Variants in HDAC6 observed in about 807,000 individuals in gnomAD.
HDAC6 encodes protein deacetylase HDAC6.
HDAC6 carries 5 observed loss-of-function variants against 88.9 expected under a neutral mutation model. The observed-to-expected ratio is 0.06, with a 90% CI of 0.03 to 0.12. The LOEUF (loss-of-function observed/expected upper bound fraction) is 0.12. Among genes scored for constraint, HDAC6 ranks in the 10% least tolerant of loss-of-function variants. HDAC6 has a pLI of 1.00. For synonymous variants in HDAC6, 378 were observed against 398.0 expected (o/e 0.95, Z 0.60); for missense variants, 706 against 1,014.4 (o/e 0.70, Z 4.13).
In HDAC6 at chrX:48,808,318, G is replaced by A. The variant is rs782178851; in HGVS notation, c.798G>A (p.Gln266=). 1 of 1,200,145 alleles carries A rather than the reference G, an allele frequency of 8.3e-7. No individual in the cohort carries two copies. The highest frequency in any genetic ancestry group is 1.8e-5 in the South Asian group (1 of 55,579). The change falls in exon 10 of 29, where the codon CAG becomes CAA. Residue 266 remains glutamine (Q), a synonymous_variant. Coordinates refer to ENST00000334136, the MANE Select transcript of HDAC6 (RefSeq NM_006044.4). ...HGQGTQFTFD[Q]DPSVLYFSIH... ...AAGGAACACAGTTCACCTTCGACCA[G>A]GACCCCAGGTATACCCCGACTCCCA...
At position 48,805,616 on chromosome X, in the gene HDAC6, C is replaced by T; in HGVS notation, c.397-15C>T. On this transcript the variant is annotated splice_polypyrimidine_tract_variant and intron_variant, in intron 5 of 28. Coordinates refer to ENST00000334136, the MANE Select transcript of HDAC6 (RefSeq NM_006044.4). ...CTTAACCCTTTACCCCACTTTATTC[C>T]TCATCTCTCCCCAGGCCCGGTTTGC... 1 of 1,186,431 alleles carries T rather than the reference C, an allele frequency of 8.4e-7. No homozygotes were observed. The highest frequency in any genetic ancestry group is 2.4e-5 in the Admixed American group (1 of 42,544).
At position 48,802,911 on chromosome X, in the gene HDAC6, C is replaced by T. The variant is rs2062751225; in HGVS notation, c.134C>T (p.Pro45Leu). ...AAGGGAGCCGTTCCCCGCTCTATCC[C>T]CAATCTAGCGGAGGTAAAGAAGAAA... ...IKKGAVPRSI[P>L]NLAEVKKKGK... Residue 45 changes from proline (P) to leucine (L), a missense_variant, in exon 3 of 29, where the codon CCC becomes CTC. By Grantham distance (98) the Pro-to-Leu change is moderately conservative (BLOSUM62 -3). Transcript: ENST00000334136. The T allele has an allele frequency of 8.3e-7, 1 of 1,206,883 alleles. No individual in the cohort carries two copies. The highest frequency in any genetic ancestry group is 1.1e-6 in the Non-Finnish European group (1 of 893,353).
chrX:48,812,389 T>C (rs1481216042), intron 10 of HDAC6, among the ~76,000 whole-genome samples: 1 of 112,799 alleles, frequency 8.9e-6, no homozygotes, highest in Non-Finnish European at 1.9e-5. Context: ...AAGCAGATGA[T>C]CTAAAACTAA....
At chrX:48,814,600 G>A (rs1602257717) in intron 11 of HDAC6, 34 bp downstream of exon 11, 1 of 1,208,196 alleles carries the variant, frequency 8.3e-7, no homozygotes, top group Non-Finnish European at 1.1e-6. Context: ...CCCAAAGTGA[G>A]GCCCAGCCCC....
intron 10 of HDAC6, chrX:48,813,721 T>C (rs2062936894): frequency 1.8e-5 from 2 of 111,832 alleles, no homozygotes; most frequent in African/African-American, 6.5e-5. Flanking sequence ...GCTCATTCTC[T>C]CGCCTATAAA....
chrX:48,803,085 G>A (rs781924490), intron 3 of HDAC6, 43 bp from the exon 4 acceptor site: 5 of 1,196,183 alleles, frequency 4.2e-6, no homozygotes, highest in Non-Finnish European at 5.7e-6. Context: ...TCTGACTCAG[G>A]GCCTAAAATG....
intron 11 of HDAC6, 48 bp downstream of exon 11, chrX:48,814,614 C>T (rs781897644): frequency 1.7e-6 from 2 of 1,207,153 alleles, no homozygotes; most frequent in Non-Finnish European, 2.2e-6. Flanking sequence ...CAGCCCCGCC[C>T]TTCTGTCAGC....
rs911159605 is a variant in HDAC6, at chrX:48,824,401, C to T, written c.3579+107C>T. Reference sequence around the variant, plus strand: ...CACAGGCCCCTCTGCATGGCTGCCTCATGTGATTATTTTGCATGGGGCGGG... The same window carrying T: ...CACAGGCCCCTCTGCATGGCTGCCTTATGTGATTATTTTGCATGGGGCGGG... On this transcript the variant is annotated intron_variant, in intron 28 of 28. Coordinates refer to ENST00000334136, the MANE Select transcript of HDAC6 (RefSeq NM_006044.4). 4.6e-6 allele frequency: 5 copies of T among 1,098,380 alleles called. No individual in the cohort carries two copies. In the African/African-American group the frequency reaches 7.3e-5, roughly 16 times the overall value. The allele number at this position is 1,098,380 out of a possible 1,213,427, so 90.5% of individuals were successfully genotyped here. A position where few individuals can be genotyped will look rare whatever the true frequency, so the allele number is the denominator to read the frequency against.
In HDAC6 at chrX:48,806,431, A is replaced by G; in HGVS notation, c.501A>G (p.Leu167=). The change falls in exon 7 of 29, where the codon CTA becomes CTG. Residue 167 remains leucine (L), a synonymous_variant. Transcript: ENST00000334136. ...TGAATGAGGGAGAACTCCGTGTCCT[A>G]GCAGACACCTACGACTCAGTTTATC... ...QYMNEGELRV[L]ADTYDSVYLH... is the part of the protein sequence containing the mutation. 1 of 1,193,384 alleles carries G rather than the reference A, an allele frequency of 8.4e-7. No individual in the cohort carries two copies. The highest frequency in any genetic ancestry group is 1.1e-6 in the Non-Finnish European group (1 of 878,485).
chrX:48,823,128 C>A lies in HDAC6; in HGVS notation c.2729C>A (p.Pro910His), dbSNP rs782759897. Reference sequence around the variant, plus strand: ...GTGGTGGCCCTCACTCAGGACCAGCCCTCAGAGGCAGCCACAGGGGGAGCC... The same window carrying A: ...GTGGTGGCCCTCACTCAGGACCAGCACTCAGAGGCAGCCACAGGGGGAGCC... The part of the protein sequence containing the change: ...TAVVALTQDQ[P>H]SEAATGGATL... Residue 910 changes from proline to histidine, a missense_variant, in exon 25 of 29, where the codon CCC becomes CAC. This residue lies in a region of HDAC6 where 89 missense variants were observed against 90.9 expected (regional missense o/e 0.98). Transcript: ENST00000334136. The A allele has an allele frequency of 4.8e-5, 58 of 1,207,708 alleles. No individual in the cohort carries two copies. In the Admixed American group the frequency reaches 7.9e-4, roughly 16 times the overall value.
At chrX:48,803,460 C>A in intron 4 of HDAC6, 1 of 378,817 alleles carries the variant, frequency 2.6e-6, no homozygotes, top group Non-Finnish European at 4.6e-6. Context: ...TCTCTAGGAG[C>A]GGATTGATGA....
At chrX:48,814,232 G>A in intron 10 of HDAC6, 1 of 428,662 alleles carries the variant, frequency 2.3e-6, no homozygotes, top group Non-Finnish European at 4.0e-6. Flanking sequence ...ATGGTAAGAT[G>A]ATTAAATTGG....
chrX:48,801,588 G>A (rs782791803), upstream of HDAC6: 31 of 219,939 alleles, frequency 1.4e-4, no homozygotes, highest in Non-Finnish European at 1.5e-4. Context: ...AGCTTGCACC[G>A]CAGCCCTGTC....
At chrX:48,802,218 G>A in intron 1 of HDAC6, 76 bp downstream of exon 1, 1 of 875,302 alleles carries the variant, frequency 1.1e-6, no homozygotes, top group Non-Finnish European at 1.4e-6. Flanking sequence ...TCGGGGCCGG[G>A]GCCGGCTGAG....
intron 22 of HDAC6, among the ~76,000 whole-genome samples, chrX:48,819,178 C>A (rs1373984606): frequency 1.8e-5 from 2 of 112,249 alleles, no homozygotes; most frequent in African/African-American, 6.5e-5. Context: ...GCCATTGTGG[C>A]TGTGTGGTGA....
In HDAC6 at chrX:48,823,712, T is replaced by C. The variant is rs782012145; in HGVS notation, c.3230T>C (p.Leu1077Pro). Residue 1077 changes from leucine (L) to proline (P), a missense_variant, in exon 26 of 29, where the codon CTA becomes CCA. Around this residue, in one of 9 missense-constraint regions of HDAC6, gnomAD observed 112 missense variants for 95.1 expected, o/e 1.18. Coordinates refer to ENST00000334136, the MANE Select transcript of HDAC6 (RefSeq NM_006044.4). ...ESQAPGEENL[L>P]GEAAGGQDMA... ...CAGGCCCCAGGAGAGGAGAACCTAC[T>C]AGGAGAGGCAGCTGGAGGTCAGGAC... 1 of 1,209,390 alleles carries C rather than the reference T, an allele frequency of 8.3e-7. No homozygotes were observed. The highest frequency in any genetic ancestry group is 1.1e-6 in the Non-Finnish European group (1 of 894,190).
chrX:48,817,716 A>G, intron 20 of HDAC6: 1 of 414,378 alleles, frequency 2.4e-6, no homozygotes, highest in Non-Finnish European at 4.2e-6. Flanking sequence ...TTTCTGGCCT[A>G]TAGCAGCTGC....
At chrX:48,810,602 A>AT (rs1407146326) in intron 10 of HDAC6, 4 of 106,660 alleles carry the variant, frequency 3.8e-5, no homozygotes, top group African/African-American at 1.4e-4. Context: ...TTATTTATTT[A>AT]TTTATTTATT....
Position 48,802,986 on chromosome X carries a change from G to A in HDAC6, c.209G>A (p.Gly70Glu). The A allele has an allele frequency of 8.3e-7, 1 of 1,210,706 alleles. No homozygotes were observed. The highest frequency in any genetic ancestry group is 1.1e-6 in the Non-Finnish European group (1 of 894,841). ...GCAATGGAAGAAGACCTAATCGTGG[G>A]ACTGCAAGGGATGGTGAGCAGGGCC... Reference protein sequence around the residue: ...GQAMEEDLIVGLQGMDLNLEA... With the variant: ...GQAMEEDLIVELQGMDLNLEA... The change falls in exon 3 of 29, where the codon GGA (glycine) becomes GAA (glutamate). Residue 70 changes from glycine (G) to glutamate (E), a missense_variant. By Grantham distance (98) the Gly-to-Glu change is moderately conservative (BLOSUM62 -2). Around this residue, in one of 9 missense-constraint regions of HDAC6, gnomAD observed 193 missense variants for 258.2 expected, o/e 0.75. Transcript: ENST00000334136.
Sources: allele counts gnomAD v4.1 joint callset (sites outside exome capture counted in the v4.1 genomes callset), GRCh38; gene constraint gnomAD v4.1.1; regional missense constraint gnomAD v4.1.1; transcripts MANE v1.5; gene names NCBI Gene and HGNC (gene_info 2026-07-23, HGNC 2026-07-21).